The following NRXN3 variants were observed in gnomAD, a reference collection of about 807,000 sequenced individuals.
NRXN3 encodes the protein neurexin 3.
In NRXN3, 32 loss-of-function variants were observed where a neutral mutation model predicts 137.6. That is an observed-to-expected ratio of 0.23 (90% CI 0.18 to 0.31). NRXN3 has a LOEUF of 0.31. Among genes scored for constraint, NRXN3 ranks in the 10% least tolerant of loss-of-function variants. NRXN3 has a pLI of 1.00. For synonymous variants in NRXN3, 798 were observed against 784.5 expected, an observed-to-expected ratio of 1.02 and a Z score of -0.29; for missense variants, 1,574 against 2,062.5, an observed-to-expected ratio of 0.76 and a Z score of 4.59.
intron 4 of NRXN3, among the ~76,000 whole-genome samples, chr14:78,537,128 G>T (rs548325450): frequency 6.6e-6 from 1 of 152,204 alleles, no homozygotes; most frequent in South Asian, 2.1e-4. Context: ...ACCCAGTTAT[G>T]GGATTGCTGG....
At position 78,709,529 on chromosome 14, in the gene NRXN3, C is replaced by T. The variant is rs2098387725; in HGVS notation, c.1534C>T (p.Leu512Phe). The T allele has an allele frequency of 3.1e-6, 5 of 1,614,128 alleles. No individual in the cohort carries two copies. The highest frequency in any genetic ancestry group is 3.4e-6 in the Non-Finnish European group (4 of 1,180,018). ...AAAAGTAGACTTCTTTGCCGTGGAA[C>T]TCCTCGATGGCAACCTGTACTTGCT... ...NTKVDFFAVE[L>F]LDGNLYLLLD... The change falls in exon 7 of 21, where the codon CTC becomes TTC. Residue 512 changes from leucine (L) to phenylalanine (F), a missense_variant. Leu to Phe is a conservative substitution (Grantham distance 22). Transcript: ENST00000335750.
chr14:78,563,316 G>T (rs572347648), intron 4 of NRXN3, among the ~76,000 whole-genome samples: 2 of 152,212 alleles, frequency 1.3e-5, no homozygotes, highest in East Asian at 3.8e-4. Context: ...AGGAGTCATG[G>T]TTTATTGGGG....
intron 4 of NRXN3, among the ~76,000 whole-genome samples, chr14:78,465,909 T>A (rs575278836): frequency 6.6e-6 from 1 of 151,928 alleles, no homozygotes; most frequent in South Asian, 2.1e-4. Context: ...TGGAGTGCAG[T>A]GACGCGATCT....
At chr14:79,419,403 T>C (rs1303458507) in intron 15 of NRXN3, among the ~76,000 whole-genome samples, 2 of 152,316 alleles carry the variant, frequency 1.3e-5, no homozygotes, top group East Asian at 3.9e-4. Flanking sequence ...ATTCCATTTC[T>C]AGGTAGGAGA....
At chr14:79,527,887 A>G (rs887146250) in intron 16 of NRXN3, among the ~76,000 whole-genome samples, 25 of 148,158 alleles carry the variant, frequency 1.7e-4, no homozygotes, top group African/African-American at 4.8e-4. Context: ...AAAAAAAAAA[A>G]AAAGAAAGAA....
At chr14:79,769,494 C>A (rs984381375) in intron 19 of NRXN3, among the ~76,000 whole-genome samples, 2 of 152,148 alleles carry the variant, frequency 1.3e-5, no homozygotes, top group Non-Finnish European at 1.5e-5. Flanking sequence ...AAAGAACTTT[C>A]AACCCAGAAT....
chr14:78,842,261 C>T (rs776481229), intron 10 of NRXN3, among the ~76,000 whole-genome samples: 21 of 152,032 alleles, frequency 1.4e-4, no homozygotes, highest in East Asian at 3.9e-4. Context: ...TCTATTTTCC[C>T]GAAGTGTTGG....
intron 4 of NRXN3, among the ~76,000 whole-genome samples, chr14:78,495,786 C>T (rs1172224483): frequency 1.3e-5 from 2 of 152,190 alleles, no homozygotes; most frequent in East Asian, 3.9e-4. Context: ...TGACAGTCTT[C>T]TGGATCTCTG....
At chr14:79,151,644 G>A (rs2059809294) in intron 15 of NRXN3, among the ~76,000 whole-genome samples, 1 of 151,924 alleles carries the variant, frequency 6.6e-6, no homozygotes, top group South Asian at 2.1e-4. Flanking sequence ...AAATGAACAG[G>A]GCCTCAAGGA....
At chr14:78,933,312 A>G (rs154331) in intron 10 of NRXN3, among the ~76,000 whole-genome samples, 27,477 of 152,208 alleles carry the variant, frequency 0.18, 3,639 homozygotes, top group East Asian at 0.39. Flanking sequence ...GTTTTAGTTT[A>G]TAAAGTAGAT....
chr14:78,235,023 T>TATATATATATAA (rs61371349), intron 1 of NRXN3, among the ~76,000 whole-genome samples: 2 of 98,706 alleles, frequency 2.0e-5, no homozygotes, highest in African/African-American at 8.9e-5. Flanking sequence ...TATATATATA[T>TATATATATATAA]GTGTATATAT....
At position 79,635,689 on chromosome 14, in the gene NRXN3, G is replaced by A. The variant is rs116552363; in HGVS notation, c.3445-28089G>A. Among the ~76,000 whole-genome samples, 643 of 152,262 alleles carry A rather than the reference G, an allele frequency of 4.2e-3. 3 individuals carry two copies. The highest frequency in any genetic ancestry group is 0.015 in the African/African-American group (607 of 41,536). ...TGTGTCATCAAATGGCGTTTTCCCT[G>A]TGTGTCTGTATTTGTCTGTTCTCAT... On this transcript the variant is annotated intron_variant, in intron 16 of 20. Transcript: ENST00000335750.
At chr14:79,359,641 G>C (rs1169690145) in intron 15 of NRXN3, among the ~76,000 whole-genome samples, 1 of 150,174 alleles carries the variant, frequency 6.7e-6, no homozygotes, top group Non-Finnish European at 1.5e-5. Flanking sequence ...CGTGATCTTG[G>C]CTCACTGCAA....
chr14:79,402,436 T>C (rs1256907789), intron 15 of NRXN3, among the ~76,000 whole-genome samples: 2 of 152,150 alleles, frequency 1.3e-5, no homozygotes, highest in East Asian at 1.9e-4. Context: ...AATCACATAA[T>C]TGGGGACAAA....
intron 10 of NRXN3, among the ~76,000 whole-genome samples, chr14:78,865,613 T>C (rs2099084776): frequency 6.6e-6 from 1 of 152,208 alleles, no homozygotes; most frequent in Non-Finnish European, 1.5e-5. Context: ...ACTAGATTTA[T>C]ACATTGTGAC....
chr14:78,773,927 G>A (rs955943964), intron 8 of NRXN3, among the ~76,000 whole-genome samples: 2 of 152,026 alleles, frequency 1.3e-5, no homozygotes, highest in African/African-American at 2.4e-5. Flanking sequence ...TCAGCCTCCC[G>A]AGTAGCTGGG....
chr14:78,576,582 C>T (rs1306366651), intron 4 of NRXN3, among the ~76,000 whole-genome samples: 2 of 152,102 alleles, frequency 1.3e-5, no homozygotes, highest in Admixed American at 6.5e-5. Flanking sequence ...CTCCAGCAGG[C>T]TGGCCCTAGC....
At chr14:79,516,874 T>C (rs2096991202) in intron 16 of NRXN3, among the ~76,000 whole-genome samples, 1 of 152,218 alleles carries the variant, frequency 6.6e-6, no homozygotes, top group African/African-American at 2.4e-5. Context: ...TTTCATTGAA[T>C]GAACATGCCT....
At chr14:78,729,691 AAC>A (rs1244429393) in intron 8 of NRXN3, among the ~76,000 whole-genome samples, 6 of 152,166 alleles carry the variant, frequency 3.9e-5, no homozygotes, top group Non-Finnish European at 8.8e-5. Context: ...CACATGTACA[AAC>A]ACACACACAT....
Sources: allele counts gnomAD v4.1 joint callset (sites outside exome capture counted in the v4.1 genomes callset), GRCh38; gene constraint gnomAD v4.1.1; transcripts MANE v1.5; gene names NCBI Gene and HGNC (gene_info 2026-07-23, HGNC 2026-07-21).